Variants in PRMT9 observed in about 807,000 individuals in gnomAD.
PRMT9 encodes protein arginine methyltransferase 9.
PRMT9 carries 59 observed loss-of-function variants against 83.2 expected under a neutral mutation model. The ratio of observed to expected loss-of-function variants is 0.71; its 90% confidence interval spans 0.57 to 0.88. The LOEUF (loss-of-function observed/expected upper bound fraction) is 0.88, where lower values mean the gene tolerates loss of function less well. Among genes scored for constraint, PRMT9 ranks in the 40% least tolerant of loss-of-function variants. The pLI, the probability that PRMT9 is intolerant of heterozygous loss-of-function variation, is 0.00. For synonymous variants in PRMT9, 333 were observed against 353.2 expected (o/e 0.94, Z 0.64); for missense variants, 947 against 1,021.9 (o/e 0.93, Z 1.00).
intron 10 of PRMT9, among the ~76,000 whole-genome samples, chr4:147,640,430 T>C (rs975721821): frequency 4.2e-4 from 64 of 152,188 alleles, no homozygotes; most frequent in Non-Finnish European, 4.4e-5. Flanking sequence ...CTCATAACTT[T>C]ATGAGTTCTC....
At chr4:147,662,193 T>C (rs1480760511) in intron 6 of PRMT9, among the ~76,000 whole-genome samples, 1 of 152,134 alleles carries the variant, frequency 6.6e-6, no homozygotes, top group African/African-American at 2.4e-5. Flanking sequence ...GATTCCGCAA[T>C]GAGAATAAAC....
chr4:147,644,373 T>TA (rs56271212), intron 9 of PRMT9, among the ~76,000 whole-genome samples: 13,413 of 142,934 alleles, frequency 0.094, 1,410 homozygotes, highest in African/African-American at 0.25. Flanking sequence ...ATGCAAAATT[T>TA]AAAAAAAAAA....
chr4:147,680,476 A>G lies in PRMT9; in HGVS notation c.190-5T>C, dbSNP rs1736392103. 6.2e-7 allele frequency: 1 copy of G among 1,605,026 alleles called. No homozygotes were observed. Among genetic ancestry groups the G allele is most frequent in the African/African-American group, 1.3e-5 (1 of 74,614 alleles). ...AAGTGTGTACTGAAAAGTTTCCTTTACAAATAAGAAAAAAATTATGAATTA... is the reference window on the plus strand; with the variant it reads ...AAGTGTGTACTGAAAAGTTTCCTTTGCAAATAAGAAAAAAATTATGAATTA... On this transcript the variant is annotated splice_polypyrimidine_tract_variant and splice_region_variant and intron_variant, in intron 1 of 11. Coordinates refer to ENST00000322396, the MANE Select transcript of PRMT9 (RefSeq NM_138364.4).
chr4:147,683,763 T>A (rs755361296), intron 1 of PRMT9, 36 bp downstream of exon 1: 5 of 1,432,294 alleles, frequency 3.5e-6, no homozygotes, highest in Non-Finnish European at 4.8e-6. Flanking sequence ...ACGAGGACGT[T>A]GGATCTGCCA....
chr4:147,672,237 GA>G (rs1735787740), intron 4 of PRMT9, among the ~76,000 whole-genome samples: 2 of 152,198 alleles, frequency 1.3e-5, no homozygotes, highest in South Asian at 4.1e-4. Flanking sequence ...TATATGTATG[GA>G]AGAAAACTTT....
In PRMT9 at chr4:147,638,289, C is replaced by T. The variant is rs1578867138; in HGVS notation, c.*243G>A. 5 of 507,200 alleles carry T rather than the reference C, an allele frequency of 9.9e-6. No homozygotes were observed. In the East Asian group the frequency reaches 1.8e-4, roughly 18 times the overall value. 31.4% of individuals were successfully genotyped at this position (507,200 alleles called of 1,614,324 possible). On this transcript the variant is annotated 3_prime_UTR_variant, in exon 12 of 12. Coordinates refer to ENST00000322396, the MANE Select transcript of PRMT9 (RefSeq NM_138364.4). ...AAAATCCCTATTCTGTAAAATCGAG[C>T]AAAAGAAGTTTCCTAATTTAAAAAA... is the stretch of plus-strand genomic sequence containing the variant.
rs1327114314 is a variant in PRMT9, at chr4:147,680,421, G to A, written c.240C>T (p.Leu80=). 2 of 1,614,002 alleles carry A rather than the reference G, an allele frequency of 1.2e-6. No individual in the cohort carries two copies. The highest frequency in any genetic ancestry group is 2.2e-5 in the South Asian group (2 of 91,088). The change falls in exon 2 of 12, where the codon CTC becomes CTT. Residue 80 remains leucine (L), a synonymous_variant. Coordinates refer to ENST00000322396, the MANE Select transcript of PRMT9 (RefSeq NM_138364.4). ...LFRWAEELDA[L]SRIQDLLGCY... Reference sequence around the variant, plus strand: ...AACCAAGTAAGTCTTGTATCCGACTGAGAGCATCAAGCTCTTCAGCCCATC... The same window carrying A: ...AACCAAGTAAGTCTTGTATCCGACTAAGAGCATCAAGCTCTTCAGCCCATC...
intron 4 of PRMT9, chr4:147,671,908 G>A (rs757746133): frequency 8.3e-5 from 38 of 455,578 alleles, no homozygotes; most frequent in Middle Eastern, 3.3e-4. Flanking sequence ...AGGAAAGGCC[G>A]TGTAAAGACA....
chr4:147,652,282 C>G (rs553944060), intron 9 of PRMT9, among the ~76,000 whole-genome samples: 2 of 151,934 alleles, frequency 1.3e-5, no homozygotes, highest in South Asian at 4.2e-4. Context: ...TGGCTATTTA[C>G]CAAAAAATAA....
chr4:147,671,300 T>C (rs559992359), intron 4 of PRMT9, among the ~76,000 whole-genome samples: 4 of 152,208 alleles, frequency 2.6e-5, no homozygotes, highest in Admixed American at 6.5e-5. Context: ...GCCTCCTATA[T>C]GTTGACTGTG....
intron 5 of PRMT9, among the ~76,000 whole-genome samples, chr4:147,669,350 C>T (rs888480013): frequency 5.9e-5 from 9 of 151,978 alleles, no homozygotes; most frequent in Admixed American, 2.6e-4. Flanking sequence ...GTGCTCCTAC[C>T]TGGGCAAGAG....
chr4:147,647,625 C>T (rs749687058), intron 9 of PRMT9, among the ~76,000 whole-genome samples: 27 of 151,782 alleles, frequency 1.8e-4, no homozygotes, highest in Non-Finnish European at 2.2e-4. Context: ...CAAGTTCAGG[C>T]GATTCTTCTG....
Position 147,670,754 on chromosome 4 carries a change from A to C in PRMT9, c.744-11T>G. ...ACAACTAGGGACACTCTATAGAATGATTTTTTAAAGATATATGTAAGTAAA... is the reference window on the plus strand; with the variant it reads ...ACAACTAGGGACACTCTATAGAATGCTTTTTTAAAGATATATGTAAGTAAA... On this transcript the variant is annotated splice_polypyrimidine_tract_variant and intron_variant, in intron 4 of 11. Coordinates refer to ENST00000322396, the MANE Select transcript of PRMT9 (RefSeq NM_138364.4). 6.5e-7 allele frequency: 1 copy of C among 1,545,116 alleles called. No homozygotes were observed. The highest frequency in any genetic ancestry group is 8.9e-7 in the Non-Finnish European group (1 of 1,118,098).
At chr4:147,682,772 TCTC>T (rs143886359) in intron 1 of PRMT9, among the ~76,000 whole-genome samples, 361 of 152,286 alleles carry the variant, frequency 2.4e-3, no homozygotes, top group Non-Finnish European at 4.4e-3. Flanking sequence ...CAACATATCA[TCTC>T]CTCCTCAAGT....
At chr4:147,673,214 GT>G in intron 3 of PRMT9, 88 bp from the exon 4 acceptor site, 1 of 1,234,212 alleles carries the variant, frequency 8.1e-7, no homozygotes, top group Non-Finnish European at 1.2e-6. Flanking sequence ...AAAATGTGGG[GT>G]TTTTCCTTTT....
Position 147,642,770 on chromosome 4 carries a change from C to A in PRMT9, c.2199+17G>T, listed in dbSNP as rs773744039. ...GTTCAACAGCATCCTGGTTGAACTTCTCCTCTAGACACTTACCTGAAACTG... is the reference window on the plus strand; with the variant it reads ...GTTCAACAGCATCCTGGTTGAACTTATCCTCTAGACACTTACCTGAAACTG... On this transcript the variant is annotated intron_variant, in intron 10 of 11. Coordinates refer to ENST00000322396, the MANE Select transcript of PRMT9 (RefSeq NM_138364.4). 4.4e-6 allele frequency: 7 copies of A among 1,603,848 alleles called. No homozygotes were observed. Among genetic ancestry groups the A allele is most frequent in the Non-Finnish European group, 6.0e-6 (7 of 1,175,510 alleles).
intron 9 of PRMT9, among the ~76,000 whole-genome samples, chr4:147,651,808 G>A (rs1734115209): frequency 6.6e-6 from 1 of 152,176 alleles, no homozygotes; most frequent in African/African-American, 2.4e-5. Flanking sequence ...ATTGCTGGAT[G>A]CCAGGACCCA....
Position 147,680,383 on chromosome 4 carries a change from G to C in PRMT9, c.278C>G (p.Ala93Gly), listed in dbSNP as rs1253201683. 6.2e-7 allele frequency: 1 copy of C among 1,613,920 alleles called. No homozygotes were observed. Among genetic ancestry groups the C allele is most frequent in the Admixed American group, 1.7e-5 (1 of 60,006 alleles). ...TTCATCATCAGGAAACAGTTCCAAG[G>C]CCTGCTCATAGCAACCAAGTAAGTC... The part of the protein sequence containing the change: ...IQDLLGCYEQ[A>G]LELFPDDEVI... The change falls in exon 2 of 12, where the codon GCC becomes GGC. Residue 93 changes from alanine to glycine, a missense_variant. Transcript: ENST00000322396.
intron 5 of PRMT9, 101 bp downstream of exon 5, chr4:147,670,540 A>T: frequency 4.3e-6 from 4 of 929,012 alleles, no homozygotes; most frequent in Non-Finnish European, 7.0e-6. Flanking sequence ...TGGCAATGGA[A>T]AATATATTTC....
Sources: allele counts gnomAD v4.1 joint callset (sites outside exome capture counted in the v4.1 genomes callset), GRCh38; gene constraint gnomAD v4.1.1; transcripts MANE v1.5; gene names NCBI Gene and HGNC (gene_info 2026-07-23, HGNC 2026-07-21).